The following PRKG1 variants were observed in gnomAD, a reference collection of about 807,000 sequenced individuals.
PRKG1 encodes cGMP-dependent protein kinase 1.
PRKG1 carries 35 observed loss-of-function variants against 88.1 expected under a neutral mutation model. The ratio of observed to expected loss-of-function variants is 0.40; its 90% CI spans 0.30 to 0.53. The LOEUF is 0.53. PRKG1 is among the 20% of genes least tolerant of loss of function. PRKG1 has a pLI of 0.59. For synonymous variants in PRKG1, 303 were observed against 292.5 expected, an observed-to-expected ratio of 1.04 and a Z score of -0.37; for missense variants, 540 against 839.8, an observed-to-expected ratio of 0.64 and a Z score of 4.41.
rs55828457 is a variant in PRKG1, at chr10:51,270,336, C to G, written c.478+117006C>G. ...AAAAGGTAGATTATCTTTGTGACAGCAAGCTCTGATCATTCATTTTGGATT... is the reference window on the plus strand; with the variant it reads ...AAAAGGTAGATTATCTTTGTGACAGGAAGCTCTGATCATTCATTTTGGATT... On this transcript the variant is annotated intron_variant, in intron 2 of 17. Coordinates refer to ENST00000373980, the MANE Select transcript of PRKG1 (RefSeq NM_006258.4). 3.3e-3 allele frequency among the ~76,000 whole-genome samples: 508 copies of G among 152,228 alleles called. 5 individuals are homozygous for G. Among genetic ancestry groups the G allele is most frequent in the African/African-American group, 0.011 (438 of 41,546 alleles).
At chr10:51,705,970 ATC>A (rs1841595192) in intron 3 of PRKG1, among the ~76,000 whole-genome samples, 1 of 152,178 alleles carries the variant, frequency 6.6e-6, no homozygotes, top group South Asian at 2.1e-4. Context: ...CCTGGGCACC[ATC>A]TCCCTTGGCA....
chr10:51,647,927 A>G (rs1020450234), intron 3 of PRKG1, among the ~76,000 whole-genome samples: 1 of 152,120 alleles, frequency 6.6e-6, no homozygotes, highest in Non-Finnish European at 1.5e-5. Flanking sequence ...TTAAAAGTCC[A>G]TGCCCTATTT....
chr10:52,178,916 A>T (rs1263803285), intron 9 of PRKG1, among the ~76,000 whole-genome samples: 3 of 149,888 alleles, frequency 2.0e-5, no homozygotes, highest in Non-Finnish European at 4.4e-5. Flanking sequence ...TGTAGCCAGC[A>T]TATGGTTGGG....
chr10:51,655,055 G>A (rs1352622133), intron 3 of PRKG1, among the ~76,000 whole-genome samples: 1 of 152,184 alleles, frequency 6.6e-6, no homozygotes, highest in Non-Finnish European at 1.5e-5. Context: ...AATCTTGATT[G>A]GAGAAGACAC....
chr10:51,699,649 G>C, intron 3 of PRKG1: 1 of 1,379,720 alleles, frequency 7.2e-7, no homozygotes, highest in Non-Finnish European at 9.9e-7. Context: ...TTCAAGATCC[G>C]GGCAGAAACT....
chr10:51,398,432 C>G (rs1837640295), intron 2 of PRKG1, among the ~76,000 whole-genome samples: 1 of 152,144 alleles, frequency 6.6e-6, no homozygotes, highest in African/African-American at 2.4e-5. Context: ...GGCCCGGTTC[C>G]TAACAGGTCA....
chr10:51,280,929 G>A (rs1428629566), intron 2 of PRKG1, among the ~76,000 whole-genome samples: 13 of 152,160 alleles, frequency 8.5e-5, no homozygotes, highest in Non-Finnish European at 2.9e-5. Context: ...CCTTTGGAGG[G>A]GGAGAGGTGC....
intron 2 of PRKG1, among the ~76,000 whole-genome samples, chr10:51,401,915 T>C (rs1837750128): frequency 6.6e-6 from 1 of 152,198 alleles, no homozygotes; most frequent in South Asian, 2.1e-4. Flanking sequence ...TTAATTTTAA[T>C]GTGACAAAAA....
At chr10:51,716,309 T>C (rs564285357) in intron 3 of PRKG1, among the ~76,000 whole-genome samples, 1 of 152,328 alleles carries the variant, frequency 6.6e-6, no homozygotes, top group South Asian at 2.1e-4. Flanking sequence ...ATAATTGTAC[T>C]GGAGGATATT....
intron 3 of PRKG1, among the ~76,000 whole-genome samples, chr10:51,714,771 G>A (rs1407930917): frequency 6.6e-6 from 1 of 152,142 alleles, no homozygotes; most frequent in Non-Finnish European, 1.5e-5. Flanking sequence ...TTCATTGTTT[G>A]TACTCACGAA....
intron 2 of PRKG1, among the ~76,000 whole-genome samples, chr10:51,321,095 TTG>T (rs1841443285): frequency 6.6e-6 from 1 of 152,196 alleles, no homozygotes; most frequent in Admixed American, 6.5e-5. Flanking sequence ...TAAATTTTTT[TTG>T]TGTGTATATG....
At chr10:51,036,689 T>C (rs1843358368) in intron 1 of PRKG1, among the ~76,000 whole-genome samples, 1 of 152,118 alleles carries the variant, frequency 6.6e-6, no homozygotes, top group Non-Finnish European at 1.5e-5. Flanking sequence ...ATTAAGTAAA[T>C]GGGGGCGTGT....
At chr10:51,701,057 T>C (rs926699477) in intron 3 of PRKG1, among the ~76,000 whole-genome samples, 3 of 152,208 alleles carry the variant, frequency 2.0e-5, no homozygotes, top group African/African-American at 7.2e-5. Flanking sequence ...ATTTTATATT[T>C]TTTATAAGTC....
intron 2 of PRKG1, among the ~76,000 whole-genome samples, chr10:51,388,314 C>T (rs540792748): frequency 3.9e-5 from 6 of 152,212 alleles, no homozygotes; most frequent in African/African-American, 9.6e-5. Context: ...GTAAAGAAAC[C>T]GAGTCCAGTG....
chr10:51,582,887 G>T (rs1001223374), intron 3 of PRKG1, among the ~76,000 whole-genome samples: 1 of 152,202 alleles, frequency 6.6e-6, no homozygotes, highest in African/African-American at 2.4e-5. Flanking sequence ...ATTTAGCTGT[G>T]AGATTATTTG....
intron 5 of PRKG1, among the ~76,000 whole-genome samples, chr10:51,919,523 C>G (rs1333809837): frequency 7.0e-6 from 1 of 142,372 alleles, no homozygotes; most frequent in Non-Finnish European, 1.6e-5. Flanking sequence ...TGTGCAATAC[C>G]ATTCTGCAGA....
At chr10:51,206,353 C>T (rs370183590) in intron 2 of PRKG1, among the ~76,000 whole-genome samples, 13 of 151,510 alleles carry the variant, frequency 8.6e-5, no homozygotes, top group African/African-American at 3.2e-4. Flanking sequence ...ATTAGCCAGG[C>T]GTGGGGGTGG....
intron 5 of PRKG1, among the ~76,000 whole-genome samples, chr10:51,960,517 C>A (rs146797049): frequency 2.6e-5 from 4 of 151,748 alleles, no homozygotes; most frequent in African/African-American, 9.7e-5. Flanking sequence ...ACACCCCCCA[C>A]CAAAAATAAC....
At chr10:51,083,013 C>T (rs1717773255) in intron 1 of PRKG1, among the ~76,000 whole-genome samples, 1 of 152,166 alleles carries the variant, frequency 6.6e-6, no homozygotes, top group Admixed American at 6.5e-5. Context: ...TGCTATGACC[C>T]ATTCATTGTT....
Sources: gnomAD v4.1 joint callset for allele counts (sites outside exome capture counted in the v4.1 genomes callset) on GRCh38, gnomAD v4.1.1 for gene constraint, MANE v1.5 for transcripts, NCBI Gene and HGNC (gene_info 2026-07-23, HGNC 2026-07-21) for gene names.